VNN1: variants seen among roughly 807,000 people sequenced by gnomAD.
VNN1 encodes vanin 1.
Under a neutral mutation model 41.9 loss-of-function variants are expected in VNN1, and 29 were observed. That is an observed-to-expected ratio of 0.69 (90% CI 0.52 to 0.94). The LOEUF (loss-of-function observed/expected upper bound fraction) is 0.94, where lower values mean the gene tolerates loss of function less well. Ranked by LOEUF, VNN1 falls within the 40% of genes least tolerant of loss-of-function variation. The pLI is 0.00. For missense variants in VNN1, 637 were observed against 621.1 expected, an observed-to-expected ratio of 1.03 and a Z score of -0.27; for synonymous variants, 233 against 224.4, an observed-to-expected ratio of 1.04 and a Z score of -0.34.
In VNN1 at chr6:132,693,242, A is replaced by T; in HGVS notation, c.608T>A (p.Phe203Tyr). 1 of 1,614,118 alleles carries T rather than the reference A, an allele frequency of 6.2e-7. No homozygotes were observed. Among genetic ancestry groups the T allele is most frequent in the Non-Finnish European group, 8.5e-7 (1 of 1,179,980 alleles). The stretch of plus-strand genomic sequence containing the variant: ...GCATGTGAAAATGCCAAAACTTCCA[A>T]AGGTGGTATTGAAAGTCACAATCTC... ...EPEIVTFNTT[F>Y]GSFGIFTCFD... is the part of the protein sequence containing the mutation. The change falls in exon 4 of 7, where the codon TTT becomes TAT. Residue 203 changes from phenylalanine (F) to tyrosine (Y), a missense_variant. Transcript: ENST00000367928.
chr6:132,693,913 C>A, intron 3 of VNN1, 77 bp downstream of exon 3: 1 of 1,505,644 alleles, frequency 6.6e-7, no homozygotes, highest in South Asian at 1.2e-5. Context: ...TTATCATTAT[C>A]AATAACATAT....
chr6:132,691,080 C>T (rs76750941), intron 5 of VNN1, among the ~76,000 whole-genome samples: 7,741 of 152,188 alleles, frequency 0.051, 217 homozygotes, highest in East Asian at 0.11. Context: ...GAAAATATTT[C>T]AATATTGCAG....
chr6:132,685,252 C>T (rs563019133), intron 5 of VNN1, among the ~76,000 whole-genome samples: 71 of 152,350 alleles, frequency 4.7e-4, no homozygotes, highest in Non-Finnish European at 9.1e-4. Context: ...TGAGTCATCT[C>T]ACCATGCAGA....
chr6:132,707,317 A>G (rs1421356469), intron 2 of VNN1, among the ~76,000 whole-genome samples: 1 of 152,140 alleles, frequency 6.6e-6, no homozygotes, highest in Non-Finnish European at 1.5e-5. Context: ...GATGTGGAGA[A>G]AAGGGAACCC....
chr6:132,709,890 T>G (rs1778574664), intron 2 of VNN1, among the ~76,000 whole-genome samples: 2 of 152,170 alleles, frequency 1.3e-5, no homozygotes, highest in South Asian at 4.1e-4. Context: ...GCTTGCCTTT[T>G]AGAAACTGAA....
chr6:132,693,148 G>C lies in VNN1; in HGVS notation c.702C>G (p.Phe234Leu), dbSNP rs1413530793. Residue 234 changes from phenylalanine (F) to leucine (L), a missense_variant, in exon 4 of 7, where the codon TTC becomes TTG. By Grantham distance (22) the Phe-to-Leu change is conservative (BLOSUM62 0). Coordinates refer to ENST00000367928, the MANE Select transcript of VNN1 (RefSeq NM_004666.3). ...GCAAAACATTCATCCAAGCTGTTGG[G>C]AATACTATGGTGTCCACGTGGAAAT... ...VKDFHVDTIV[F>L]PTAWMNVLPH... is the part of the protein sequence containing the mutation. 6.2e-7 allele frequency: 1 copy of C among 1,614,110 alleles called. No individual in the cohort carries two copies. The highest frequency in any genetic ancestry group is 1.1e-5 in the South Asian group (1 of 91,080).
In VNN1 at chr6:132,702,096, C is replaced by G. The variant is rs562718392; in HGVS notation, c.342-7914G>C. Among the ~76,000 whole-genome samples the G allele has an allele frequency of 7.2e-5, 11 of 152,332 alleles. No homozygotes were observed. The South Asian group carries it at 2.3e-3, about 32-fold the overall frequency. On this transcript the variant is annotated intron_variant, in intron 2 of 6. Coordinates refer to ENST00000367928, the MANE Select transcript of VNN1 (RefSeq NM_004666.3). ...AGTCTAGGCCAGGGGTTCCCAATCCCTATGCCATGGACTGTGGCCTGTTAG... is the reference window on the plus strand; with the variant it reads ...AGTCTAGGCCAGGGGTTCCCAATCCGTATGCCATGGACTGTGGCCTGTTAG...
chr6:132,684,247 T>G, intron 6 of VNN1, 88 bp downstream of exon 6: 2 of 1,325,252 alleles, frequency 1.5e-6, no homozygotes, highest in Non-Finnish European at 2.0e-6. Flanking sequence ...GGAAATTTTA[T>G]GATATTTGTA....
At chr6:132,702,926 G>A (rs1387074487) in intron 2 of VNN1, among the ~76,000 whole-genome samples, 2 of 152,178 alleles carry the variant, frequency 1.3e-5, no homozygotes, top group African/African-American at 2.4e-5. Flanking sequence ...CTGGTTTCAG[G>A]TGTGACCCAG....
intron 2 of VNN1, among the ~76,000 whole-genome samples, chr6:132,698,521 G>A (rs1778404525): frequency 6.6e-6 from 1 of 152,190 alleles, no homozygotes; most frequent in Admixed American, 6.5e-5. Flanking sequence ...AACAATGTGT[G>A]CACACAAAAC....
chr6:132,695,079 G>A lies in VNN1; in HGVS notation c.342-897C>T, dbSNP rs953493259. On this transcript the variant is annotated intron_variant, in intron 2 of 6. Coordinates refer to ENST00000367928, the MANE Select transcript of VNN1 (RefSeq NM_004666.3). The stretch of plus-strand genomic sequence containing the variant: ...AGGTGGGAGAATTGCTTGATCTTGG[G>A]AGGCAGAGGTTGTGGTGAGCTGAGA... Among the ~76,000 whole-genome samples the A allele has an allele frequency of 2.6e-5, 4 of 152,184 alleles. No homozygotes were observed. The East Asian group carries it at 7.7e-4, about 29-fold the overall frequency.
intron 6 of VNN1, 87 bp downstream of exon 6, chr6:132,684,248 G>T (rs1284971817): frequency 5.2e-6 from 7 of 1,333,994 alleles, no homozygotes; most frequent in Non-Finnish European, 7.1e-6. Context: ...GAAATTTTAT[G>T]ATATTTGTAA....
intron 2 of VNN1, 135 bp downstream of exon 2, chr6:132,711,574 C>T (rs979046603): frequency 5.9e-6 from 6 of 1,015,070 alleles, no homozygotes; most frequent in Non-Finnish European, 6.9e-6. Flanking sequence ...GTAAATATAC[C>T]CATAGTAGAT....
intron 4 of VNN1, among the ~76,000 whole-genome samples, 190 bp downstream of exon 4, chr6:132,692,834 T>TA (rs1778312098): frequency 6.6e-6 from 1 of 152,048 alleles, no homozygotes; most frequent in Non-Finnish European, 1.5e-5. Context: ...TCAAGTTAAA[T>TA]AAAACCAAAT....
chr6:132,711,145 A>T (rs953222053), intron 2 of VNN1, among the ~76,000 whole-genome samples: 1 of 152,240 alleles, frequency 6.6e-6, no homozygotes, highest in East Asian at 1.9e-4. Context: ...TTCAGAAAGA[A>T]GTATGTGAAT....
chr6:132,701,004 C>T (rs928537973), intron 2 of VNN1, among the ~76,000 whole-genome samples: 15 of 152,204 alleles, frequency 9.9e-5, no homozygotes, highest in Non-Finnish European at 2.2e-4. Context: ...GGGAAACTGC[C>T]TAATTACTAT....
chr6:132,689,609 C>T (rs1778255146), intron 5 of VNN1, among the ~76,000 whole-genome samples: 1 of 152,106 alleles, frequency 6.6e-6, no homozygotes, highest in African/African-American at 2.4e-5. Flanking sequence ...ATTGTATTTG[C>T]AGGTTTCTTG....
In VNN1 at chr6:132,692,563, T is replaced by A. The variant is rs371934923; in HGVS notation, c.848A>T (p.Asn283Ile). The change falls in exon 5 of 7, where the codon AAT becomes ATT. Residue 283 changes from asparagine (N) to isoleucine (I), a missense_variant. Transcript: ENST00000367928. ...ATCATAATGAAATGCTCTTGAAGAA[T>A]TGGGTGCATAGATGCCACTTCCTGG... ...KMTGSGIYAPNSSRAFHYDMK... is the reference protein window; with the variant it reads ...KMTGSGIYAPISSRAFHYDMK... 74 of 1,592,316 alleles carry A rather than the reference T, an allele frequency of 4.6e-5. No individual in the cohort carries two copies. Among genetic ancestry groups the A allele is most frequent in the Non-Finnish European group, 6.1e-5 (72 of 1,174,548 alleles).
rs1260685304 is a variant in VNN1 at position 132,681,476 on chromosome 6, C to T, written c.*1664G>A. 1 of 152,108 alleles carries T rather than the reference C, an allele frequency of 6.6e-6. No homozygotes were observed. Among genetic ancestry groups the T allele is most frequent in the African/African-American group, 2.4e-5 (1 of 41,394 alleles). The allele number at this position is 152,108 out of a possible 1,614,324, so 9.4% of individuals were successfully genotyped here. A position where few individuals can be genotyped will look rare whatever the true frequency, so the allele number is the denominator to read the frequency against. On this transcript the variant is annotated 3_prime_UTR_variant, in exon 7 of 7. Transcript: ENST00000367928. ...TCCCAGATCCTGACCCTCAGAAATG[C>T]TATAAGATAATAAATGTTTGTTGTT... is the stretch of plus-strand genomic sequence containing the variant.
Sources: allele counts gnomAD v4.1 joint callset (sites outside exome capture counted in the v4.1 genomes callset), GRCh38; gene constraint gnomAD v4.1.1; transcripts MANE v1.5; gene names NCBI Gene and HGNC (gene_info 2026-07-23, HGNC 2026-07-21).